The following OPCML variants were observed in gnomAD, a reference collection of about 807,000 sequenced individuals.
OPCML encodes opioid binding protein/cell adhesion molecule like.
OPCML carries 13 observed loss-of-function variants against 37.8 expected under a neutral mutation model. That is an observed-to-expected ratio of 0.34 (90% confidence interval 0.22 to 0.55). OPCML has a LOEUF of 0.55. Among genes scored for constraint, OPCML ranks in the 20% least tolerant of loss-of-function variants. The probability of loss-of-function intolerance (pLI) is 0.91; values close to 1 mark genes in which losing one functional copy is unlikely to be tolerated. For missense variants in OPCML, 341 were observed against 435.6 expected, an observed-to-expected ratio of 0.78 and a Z score of 1.93; for synonymous variants, 176 against 168.8, an observed-to-expected ratio of 1.04 and a Z score of -0.33.
rs146930890 is a variant in OPCML, at chr11:133,469,891, T to C, written c.61+62373A>G. On this transcript the variant is annotated intron_variant, in intron 1 of 7. Coordinates refer to ENST00000524381, the MANE Select transcript of OPCML (RefSeq NM_001012393.5). ...CCATTCTTAAAGAGGCTTTCAAATT[T>C]GAAACTTTTCTGGAACCAACTAAGT... Among the ~76,000 whole-genome samples, 332 of 152,352 alleles carry C rather than the reference T, an allele frequency of 2.2e-3. 6 individuals carry two copies. The East Asian group carries it at 0.031, about 14-fold the overall frequency.
chr11:133,446,740 T>C (rs1222483576), intron 1 of OPCML, among the ~76,000 whole-genome samples: 3 of 152,222 alleles, frequency 2.0e-5, no homozygotes, highest in Non-Finnish European at 4.4e-5. Flanking sequence ...ATAAGCTACT[T>C]TTTCTCTATA....
chr11:133,037,506 GTA>G (rs1947804234), intron 1 of OPCML, among the ~76,000 whole-genome samples: 1 of 152,176 alleles, frequency 6.6e-6, no homozygotes, highest in African/African-American at 2.4e-5. Flanking sequence ...CCTAGCTGCA[GTA>G]TATTTTACTC....
intron 1 of OPCML, among the ~76,000 whole-genome samples, chr11:133,242,613 C>T (rs925275369): frequency 6.6e-6 from 1 of 152,106 alleles, no homozygotes; most frequent in Non-Finnish European, 1.5e-5. Context: ...GATTAAGGCC[C>T]AATTGTTATG....
intron 1 of OPCML, among the ~76,000 whole-genome samples, chr11:132,956,812 A>C (rs2136709965): frequency 6.6e-6 from 1 of 152,254 alleles, no homozygotes; most frequent in African/African-American, 2.4e-5. Flanking sequence ...GGATGGAATC[A>C]GTTTTACAAA....
intron 3 of OPCML, among the ~76,000 whole-genome samples, chr11:132,567,870 A>G (rs891143418): frequency 3.9e-5 from 6 of 152,236 alleles, no homozygotes; most frequent in African/African-American, 1.4e-4. Flanking sequence ...GGTGTTGCAC[A>G]GAACAGTTGT....
intron 2 of OPCML, among the ~76,000 whole-genome samples, chr11:132,699,746 G>C (rs992612239): frequency 1.3e-5 from 2 of 152,010 alleles, no homozygotes; most frequent in African/African-American, 2.4e-5. Context: ...AATTCAGTTG[G>C]CTAATATTTT....
chr11:133,268,458 T>A (rs1941723816), intron 1 of OPCML, among the ~76,000 whole-genome samples: 1 of 152,240 alleles, frequency 6.6e-6, no homozygotes, highest in African/African-American at 2.4e-5. Context: ...GATACAAATA[T>A]ATTAAAGTTC....
chr11:133,484,030 TTAGATAGATAGA>T (rs71038531), intron 1 of OPCML, among the ~76,000 whole-genome samples: 9,785 of 134,812 alleles, frequency 0.073, 379 homozygotes, highest in Middle Eastern at 0.18. Flanking sequence ...GATGGACAGA[TTAGATAGATAGA>T]TAGATAGATA....
chr11:132,814,277 A>G (rs1939508132), intron 2 of OPCML, among the ~76,000 whole-genome samples: 1 of 152,186 alleles, frequency 6.6e-6, no homozygotes, highest in Admixed American at 6.5e-5. Context: ...ATAGATAGAG[A>G]TAGAGATGTA....
Position 132,477,722 on chromosome 11 carries a change from A to G in OPCML, c.506-40363T>C, listed in dbSNP as rs118170751. Among the ~76,000 whole-genome samples the G allele has an allele frequency of 1.4e-3, 208 of 152,294 alleles. 3 individuals carry two copies. In the East Asian group the frequency reaches 0.037, roughly 27 times the overall value. On this transcript the variant is annotated intron_variant, in intron 4 of 7. Transcript: ENST00000524381. ...GAGTGTGTGCTGTGTTTTTATTCTC[A>G]GGTGCTGTGTATTGTAGGTGTAATG...
At chr11:133,479,644 T>C (rs901623498) in intron 1 of OPCML, among the ~76,000 whole-genome samples, 2 of 152,106 alleles carry the variant, frequency 1.3e-5, no homozygotes, top group South Asian at 2.1e-4. Flanking sequence ...CGTCACACAA[T>C]TGACCCTGCC....
At chr11:133,439,478 T>C (rs1277497415) in intron 1 of OPCML, 4 of 982,192 alleles carry the variant, frequency 4.1e-6, no homozygotes, top group East Asian at 1.1e-4. Flanking sequence ...TTGTTTTTTT[T>C]CTTTTTTGAG....
intron 3 of OPCML, among the ~76,000 whole-genome samples, chr11:132,612,225 A>G (rs1283244605): frequency 1.3e-5 from 2 of 152,228 alleles, no homozygotes. Flanking sequence ...TGTTGTCCAC[A>G]TCCAAAAACC....
chr11:132,747,592 G>A (rs914590467), intron 2 of OPCML, among the ~76,000 whole-genome samples: 6 of 152,318 alleles, frequency 3.9e-5, no homozygotes, highest in Non-Finnish European at 7.4e-5. Flanking sequence ...GCATCGTGAA[G>A]TGAAATCAGC....
At chr11:132,937,591 GT>G (rs1444899392) in intron 2 of OPCML, among the ~76,000 whole-genome samples, 9 of 90,836 alleles carry the variant, frequency 9.9e-5, no homozygotes, top group East Asian at 1.1e-3. Context: ...TGTGGCGTGT[GT>G]GGGGTGTGTG....
intron 1 of OPCML, among the ~76,000 whole-genome samples, chr11:133,306,261 T>C (rs533623566): frequency 9.2e-5 from 14 of 152,262 alleles, no homozygotes; most frequent in African/African-American, 3.1e-4. Flanking sequence ...TGTTTCTGAG[T>C]ACTCTGGAAA....
chr11:133,115,718 TTAAGTG>T (rs1398249021), intron 1 of OPCML, among the ~76,000 whole-genome samples: 4 of 152,240 alleles, frequency 2.6e-5, no homozygotes, highest in African/African-American at 4.8e-5. Flanking sequence ...GAATTATTTT[TTAAGTG>T]TAAGTTTATT....
chr11:133,287,755 G>A (rs1357321171), intron 1 of OPCML, among the ~76,000 whole-genome samples: 1 of 152,132 alleles, frequency 6.6e-6, no homozygotes, highest in Non-Finnish European at 1.5e-5. Context: ...GCAGAGAGCA[G>A]TGTGAGACTC....
intron 1 of OPCML, among the ~76,000 whole-genome samples, chr11:133,258,628 C>A (rs1941393475): frequency 6.6e-6 from 1 of 152,176 alleles, no homozygotes; most frequent in Non-Finnish European, 1.5e-5. Flanking sequence ...TTGCCAGTTG[C>A]CTTCCTGAGC....
Sources: allele counts gnomAD v4.1 joint callset (sites outside exome capture counted in the v4.1 genomes callset), GRCh38; gene constraint gnomAD v4.1.1; transcripts MANE v1.5; gene names NCBI Gene and HGNC (gene_info 2026-07-23, HGNC 2026-07-21).